FAM98B: variants seen among roughly 807,000 people sequenced by gnomAD.
FAM98B encodes tRNA splicing ligase complex subunit 3B.
A neutral mutation model predicts 43.9 loss-of-function variants in FAM98B; 32 were observed. That is an observed-to-expected ratio of 0.73 (90% CI 0.55 to 0.98). FAM98B has a LOEUF of 0.98. Ranked by LOEUF, FAM98B falls within the 50% of genes least tolerant of loss-of-function variation. The probability of loss-of-function intolerance (pLI) is 0.00; values close to 1 mark genes in which losing one functional copy is unlikely to be tolerated. For synonymous variants in FAM98B, 190 were observed against 174.0 expected, an observed-to-expected ratio of 1.09 and a Z score of -0.72; for missense variants, 514 against 522.9, an observed-to-expected ratio of 0.98 and a Z score of 0.17.
intron 6 of FAM98B, among the ~76,000 whole-genome samples, chr15:38,475,459 T>C (rs1890183196): frequency 1.3e-5 from 2 of 152,356 alleles, no homozygotes; most frequent in South Asian, 4.1e-4. Flanking sequence ...GCATTCTTCC[T>C]GGATCCTTTA....
intron 1 of FAM98B, among the ~76,000 whole-genome samples, chr15:38,457,613 CAT>C (rs1338873391): frequency 5.3e-5 from 8 of 152,058 alleles, no homozygotes; most frequent in Admixed American, 4.6e-4. Context: ...GGCTGAGTGA[CAT>C]GTGCAGGTTG....
intron 1 of FAM98B, among the ~76,000 whole-genome samples, chr15:38,456,379 G>T (rs778668076): frequency 6.6e-6 from 1 of 152,176 alleles, no homozygotes; most frequent in Non-Finnish European, 1.5e-5. Context: ...AATCTTCAGA[G>T]GTACAGTACA....
chr15:38,484,749 A>G lies in FAM98B; in HGVS notation c.*90A>G. On this transcript the variant is annotated 3_prime_UTR_variant, in exon 8 of 8. Transcript: ENST00000397609. ...TAACATACTTGAATATCATCTTTGA[A>G]GTAAACACCATGTTAGACTCCCTGG... 1 of 1,466,428 alleles carries G rather than the reference A, an allele frequency of 6.8e-7. No homozygotes were observed. The highest frequency in any genetic ancestry group is 8.9e-7 in the Non-Finnish European group (1 of 1,119,864). The allele number at this position is 1,466,428 out of a possible 1,614,324, so 90.8% of individuals were successfully genotyped here.
chr15:38,477,330 G>C (rs1890217299), intron 6 of FAM98B, among the ~76,000 whole-genome samples: 1 of 151,250 alleles, frequency 6.6e-6, no homozygotes, highest in African/African-American at 2.4e-5. Context: ...GTTTTTCTTT[G>C]TCCAGGAAAG....
rs146978505 is a variant in FAM98B, at chr15:38,464,170, G to T, written c.210G>T (p.Thr70=). 2.9e-5 allele frequency: 46 copies of T among 1,611,876 alleles called. No homozygotes were observed. The highest frequency in any genetic ancestry group is 3.3e-4 in the Middle Eastern group (2 of 5,978). ...TATGCAACTTGGAAGAAAGTATCAC[G>T]TCTGCTGGTATTGCCATTATGTTGT... ...KSLCNLEESI[T]SAGRDDLESF... Residue 70 remains threonine (T), a synonymous_variant, in exon 2 of 8, where the codon ACG becomes ACT. Coordinates refer to ENST00000397609, the MANE Select transcript of FAM98B (RefSeq NM_173611.4).
chr15:38,464,163 G>A lies in FAM98B; in HGVS notation c.203G>A (p.Ser68Asn). The A allele has an allele frequency of 1.2e-6, 2 of 1,612,650 alleles. No individual in the cohort carries two copies. Among genetic ancestry groups the A allele is most frequent in the African/African-American group, 1.3e-5 (1 of 75,006 alleles). Residue 68 changes from serine to asparagine, a missense_variant, in exon 2 of 8, where the codon AGT (serine) becomes AAT (asparagine). Around this residue, in one of 2 missense-constraint regions of FAM98B, gnomAD observed 469 missense variants for 451.8 expected, o/e 1.04. Coordinates refer to ENST00000397609, the MANE Select transcript of FAM98B (RefSeq NM_173611.4). ...AAATCATTATGCAACTTGGAAGAAA[G>A]TATCACGTCTGCTGGTATTGCCATT... is the stretch of plus-strand genomic sequence containing the variant. ...QIKSLCNLEE[S>N]ITSAGRDDLE...
intron 6 of FAM98B, among the ~76,000 whole-genome samples, chr15:38,477,619 T>C (rs1290289716): frequency 6.6e-6 from 1 of 152,206 alleles, no homozygotes; most frequent in Non-Finnish European, 1.5e-5. Context: ...ATGCATTTTC[T>C]TTAATAAACA....
At position 38,481,351 on chromosome 15, in the gene FAM98B, G is replaced by GA. The variant is rs1662506497; in HGVS notation, c.790dup (p.Thr264AsnfsTer13). ...CTAAGCGTTATGCTTTGTCACCCAAGACAACGATTACAATGGCACATCTAC... is the reference window on the plus strand; with the variant it reads ...CTAAGCGTTATGCTTTGTCACCCAAGAACAACGATTACAATGGCACATCTAC... On this transcript the variant is annotated frameshift_variant, in exon 7 of 8. Transcript: ENST00000397609. LOFTEE classifies it high-confidence loss of function. 6.2e-7 allele frequency: 1 copy of GA among 1,614,024 alleles called. No homozygotes were observed. Among genetic ancestry groups the GA allele is most frequent in the African/African-American group, 1.3e-5 (1 of 74,912 alleles).
rs1566898385 is a variant in FAM98B, at chr15:38,467,060, A to AT, written c.352+1664dup. ...AGATTTCAAATTTGGAGGTATTTGG[A>AT]TTTTTTTCTATTTTAAAATGATTTC... On this transcript the variant is annotated intron_variant, in intron 3 of 7. Transcript: ENST00000397609. 3.3e-5 allele frequency among the ~76,000 whole-genome samples: 5 copies of AT among 151,884 alleles called. No homozygotes were observed. In the South Asian group the frequency reaches 8.3e-4, roughly 25 times the overall value.
At chr15:38,474,555 G>C (rs1890170988) in intron 6 of FAM98B, among the ~76,000 whole-genome samples, 1 of 152,172 alleles carries the variant, frequency 6.6e-6, no homozygotes, top group African/African-American at 2.4e-5. Context: ...ATGCATAAAA[G>C]AAGGGGCATC....
intron 1 of FAM98B, among the ~76,000 whole-genome samples, chr15:38,455,095 C>T (rs1232977024): frequency 6.6e-6 from 1 of 152,182 alleles, no homozygotes; most frequent in African/African-American, 2.4e-5. Context: ...CCTCCTCCTC[C>T]CCAAGTCAGC....
At chr15:38,481,552 G>A in intron 7 of FAM98B, 93 bp downstream of exon 7, 1 of 1,613,026 alleles carries the variant, frequency 6.2e-7, no homozygotes, top group African/African-American at 1.3e-5. Context: ...TCATGTCCTG[G>A]TAAATGTTTA....
chr15:38,480,859 G>C (rs947519510), intron 6 of FAM98B, among the ~76,000 whole-genome samples: 1 of 151,778 alleles, frequency 6.6e-6, no homozygotes, highest in Admixed American at 6.5e-5. Context: ...TATTTATATA[G>C]GATTATAAGT....
chr15:38,458,052 C>T (rs550077362), intron 1 of FAM98B, among the ~76,000 whole-genome samples: 12 of 151,970 alleles, frequency 7.9e-5, no homozygotes, highest in Middle Eastern at 3.4e-3. Flanking sequence ...AAACCTCCTT[C>T]CCCATAGGTT....
intron 1 of FAM98B, chr15:38,458,879 TC>T (rs1026353646): frequency 6.6e-6 from 3 of 451,352 alleles, no homozygotes; most frequent in Non-Finnish European, 1.3e-5. Context: ...CACTGCATTC[TC>T]TGGGTGGAAG....
chr15:38,477,811 T>C (rs944166340), intron 6 of FAM98B, among the ~76,000 whole-genome samples: 1 of 152,214 alleles, frequency 6.6e-6, no homozygotes, highest in Non-Finnish European at 1.5e-5. Context: ...GTGTATTTCA[T>C]TGGAGTAACT....
intron 6 of FAM98B, among the ~76,000 whole-genome samples, chr15:38,474,906 C>T (rs1890175484): frequency 6.6e-6 from 1 of 152,088 alleles, no homozygotes; most frequent in African/African-American, 2.4e-5. Context: ...TAGGGCTTCT[C>T]CTCATTTAGG....
At chr15:38,478,754 G>A (rs1890242206) in intron 6 of FAM98B, among the ~76,000 whole-genome samples, 1 of 152,078 alleles carries the variant, frequency 6.6e-6, no homozygotes, top group Non-Finnish European at 1.5e-5. Context: ...CCTTCAAACA[G>A]ATTATAGTCA....
rs188551124 is a variant in FAM98B at position 38,465,193 on chromosome 15, T to A, written c.218-76T>A. ...TTTAGAATTGAATGTAAAATGGAAATAAACGAGTAGATTTTATAGTATTGG... is the reference window on the plus strand; with the variant it reads ...TTTAGAATTGAATGTAAAATGGAAAAAAACGAGTAGATTTTATAGTATTGG... On this transcript the variant is annotated intron_variant, in intron 2 of 7. Transcript: ENST00000397609. 9,574 of 1,406,588 alleles carry A rather than the reference T, an allele frequency of 6.8e-3. 94 individuals carry two copies. Among genetic ancestry groups the A allele is most frequent in the South Asian group, 0.026 (1,796 of 69,154 alleles). 87.1% of individuals were successfully genotyped at this position (1,406,588 alleles called of 1,614,324 possible).
Sources: allele counts gnomAD v4.1 joint callset (sites outside exome capture counted in the v4.1 genomes callset), GRCh38; gene constraint gnomAD v4.1.1; regional missense constraint gnomAD v4.1.1; transcripts MANE v1.5; gene names NCBI Gene and HGNC (gene_info 2026-07-23, HGNC 2026-07-21).